The following DPP10 variants were observed in gnomAD, a reference collection of about 807,000 sequenced individuals.
The protein encoded by DPP10 is inactive dipeptidyl peptidase 10.
Under a neutral mutation model 120.9 loss-of-function variants are expected in DPP10, and 33 were observed. That is an observed-to-expected ratio of 0.27 (90% confidence interval 0.21 to 0.37). The LOEUF (loss-of-function observed/expected upper bound fraction) is 0.37, where lower values mean the gene tolerates loss of function less well. Among genes scored for constraint, DPP10 ranks in the 10% least tolerant of loss-of-function variants. DPP10 has a pLI of 1.00. For missense variants in DPP10, 816 were observed against 942.8 expected, an observed-to-expected ratio of 0.87 and a Z score of 1.76; for synonymous variants, 337 against 326.1, an observed-to-expected ratio of 1.03 and a Z score of -0.36.
chr2:115,531,175 G>A (rs1292998002), intron 5 of DPP10, among the ~76,000 whole-genome samples: 2 of 148,000 alleles, frequency 1.4e-5, no homozygotes, highest in East Asian at 4.0e-4. Context: ...CTGAAACAGT[G>A]GGTCTCAATG....
intron 1 of DPP10, among the ~76,000 whole-genome samples, chr2:114,458,405 C>T (rs1239251644): frequency 2.6e-5 from 4 of 152,088 alleles, no homozygotes; most frequent in Admixed American, 2.0e-4. Flanking sequence ...TAAGATTCTG[C>T]ATTTTGAGAC....
At chr2:114,449,816 C>T (rs1678157627) in intron 1 of DPP10, among the ~76,000 whole-genome samples, 1 of 152,080 alleles carries the variant, frequency 6.6e-6, no homozygotes, top group South Asian at 2.1e-4. Context: ...ATTTTTATGA[C>T]ATAAAAGCTG....
At chr2:114,754,382 A>T (rs1679538841) in intron 1 of DPP10, among the ~76,000 whole-genome samples, 1 of 152,210 alleles carries the variant, frequency 6.6e-6, no homozygotes, top group African/African-American at 2.4e-5. Context: ...GTTCGCAGGC[A>T]TTGAGAGCAT....
chr2:114,805,140 C>G (rs752293293), intron 1 of DPP10, among the ~76,000 whole-genome samples: 48 of 152,116 alleles, frequency 3.2e-4, no homozygotes, highest in Non-Finnish European at 6.3e-4. Flanking sequence ...GTAAGAAGTG[C>G]CTTTCACCTC....
chr2:114,528,641 A>G (rs992146891), intron 1 of DPP10, among the ~76,000 whole-genome samples: 1 of 151,240 alleles, frequency 6.6e-6, no homozygotes, highest in African/African-American at 2.4e-5. Context: ...TGAGATTACC[A>G]AAATGTTATT....
intron 21 of DPP10, among the ~76,000 whole-genome samples, chr2:115,820,203 T>TG: frequency 6.6e-6 from 1 of 152,180 alleles, no homozygotes; most frequent in Non-Finnish European, 1.5e-5. Flanking sequence ...TGTAACTTAC[T>TG]GACTATAATT....
intron 5 of DPP10, among the ~76,000 whole-genome samples, chr2:115,638,693 A>G (rs2086545968): frequency 6.6e-6 from 1 of 152,168 alleles, no homozygotes; most frequent in Admixed American, 6.5e-5. Context: ...CTCCCTTGAA[A>G]TCCTTGCTAT....
At chr2:115,210,478 CGT>C (rs555694956) in intron 1 of DPP10, among the ~76,000 whole-genome samples, 486 of 152,100 alleles carry the variant, frequency 3.2e-3, no homozygotes, top group Non-Finnish European at 5.0e-3. Context: ...CCGCAATAAA[CGT>C]GTGTGCTTGT....
At chr2:115,513,438 A>G (rs1238324084) in intron 4 of DPP10, among the ~76,000 whole-genome samples, 1 of 151,856 alleles carries the variant, frequency 6.6e-6, no homozygotes, top group African/African-American at 2.4e-5. Context: ...TACATATCAT[A>G]TGTCATTTTT....
intron 1 of DPP10, among the ~76,000 whole-genome samples, chr2:114,810,141 A>G (rs1317464846): frequency 6.6e-6 from 1 of 152,180 alleles, no homozygotes; most frequent in Non-Finnish European, 1.5e-5. Flanking sequence ...TTTGTTTCTC[A>G]AGTTACCAAG....
intron 3 of DPP10, among the ~76,000 whole-genome samples, chr2:115,398,322 C>T (rs1033411814): frequency 7.2e-5 from 11 of 152,112 alleles, no homozygotes; most frequent in East Asian, 1.9e-4. Flanking sequence ...AATTGAGTCA[C>T]GCCTGAAGCA....
intron 5 of DPP10, among the ~76,000 whole-genome samples, chr2:115,570,552 G>A (rs1264622731): frequency 6.6e-6 from 1 of 152,168 alleles, no homozygotes; most frequent in African/African-American, 2.4e-5. Flanking sequence ...TCCTTTGAAA[G>A]AACTCACTCC....
intron 1 of DPP10, among the ~76,000 whole-genome samples, chr2:114,890,861 T>A (rs1310316442): frequency 6.6e-6 from 1 of 151,796 alleles, no homozygotes; most frequent in Admixed American, 6.6e-5. Flanking sequence ...CCGAGTTTTA[T>A]CTGCTACTGG....
At chr2:115,464,559 G>A (rs1348372588) in intron 3 of DPP10, among the ~76,000 whole-genome samples, 3 of 152,054 alleles carry the variant, frequency 2.0e-5, no homozygotes, top group African/African-American at 4.8e-5. Flanking sequence ...ATGTGTGAAT[G>A]CCCCAGCCTG....
chr2:115,381,908 G>A (rs550611021), intron 3 of DPP10, among the ~76,000 whole-genome samples: 385 of 144,216 alleles, frequency 2.7e-3, no homozygotes, highest in Middle Eastern at 0.01. Flanking sequence ...CAGTCTGCCC[G>A]TTCTCAGATC....
intron 1 of DPP10, among the ~76,000 whole-genome samples, chr2:114,808,543 C>CTTT (rs71394111): frequency 1.5e-5 from 2 of 136,078 alleles, no homozygotes; most frequent in African/African-American, 5.4e-5. Flanking sequence ...CGGAATCTAA[C>CTTT]TTTTTTTTTT....
rs1677943725 is a variant in DPP10, at chr2:115,746,150, T to C, written c.917T>C (p.Leu306Ser). 2 of 1,613,018 alleles carry C rather than the reference T, an allele frequency of 1.2e-6. No homozygotes were observed. Among genetic ancestry groups the C allele is most frequent in the South Asian group, 2.2e-5 (2 of 90,864 alleles). ...AACCTGTATGGACCAACTCACACTTTGGAGCTCATGCCACCTGACAGCTTT... is the reference window on the plus strand; with the variant it reads ...AACCTGTATGGACCAACTCACACTTCGGAGCTCATGCCACCTGACAGCTTT... ...VVNLYGPTHT[L>S]ELMPPDSFKS... The change falls in exon 10 of 26, where the codon TTG (leucine) becomes TCG (serine). Residue 306 changes from leucine (L) to serine (S), a missense_variant. Transcript: ENST00000410059.
chr2:115,805,965 C>G (rs1685916306), intron 19 of DPP10, among the ~76,000 whole-genome samples: 1 of 152,074 alleles, frequency 6.6e-6, no homozygotes, highest in African/African-American at 2.4e-5. Flanking sequence ...AGGTGAGAAC[C>G]CTTGAGGGAC....
At chr2:114,681,697 G>A (rs959883062) in intron 1 of DPP10, among the ~76,000 whole-genome samples, 1 of 151,936 alleles carries the variant, frequency 6.6e-6, no homozygotes, top group African/African-American at 2.4e-5. Flanking sequence ...TTACAAAGCC[G>A]GTAGTAGGTC....
Sources: gnomAD v4.1 joint callset for allele counts (sites outside exome capture counted in the v4.1 genomes callset) on GRCh38, gnomAD v4.1.1 for gene constraint, MANE v1.5 for transcripts, NCBI Gene and HGNC (gene_info 2026-07-23, HGNC 2026-07-21) for gene names.